Variants in NHSL2 observed in about 807,000 individuals in gnomAD.
The protein encoded by NHSL2 is NHS-like protein 2.
NHSL2 carries 27 observed loss-of-function variants against 53.4 expected under a neutral mutation model. That is an observed-to-expected ratio of 0.51 (90% CI 0.37 to 0.70). The LOEUF (loss-of-function observed/expected upper bound fraction) is 0.70. Ranked by LOEUF, NHSL2 falls within the 30% of genes least tolerant of loss-of-function variation. NHSL2 has a pLI of 0.00. For synonymous variants in NHSL2, 408 were observed against 404.1 expected, an observed-to-expected ratio of 1.01 and a Z score of -0.12; for missense variants, 892 against 980.1, an observed-to-expected ratio of 0.91 and a Z score of 1.20.
intron 1 of NHSL2, among the ~76,000 whole-genome samples, chrX:72,023,865 G>A (rs1254248232): frequency 8.9e-6 from 1 of 112,156 alleles, no homozygotes; most frequent in Non-Finnish European, 1.9e-5. Flanking sequence ...GAGTGGGAGA[G>A]GGCCTGAGCC....
intron 1 of NHSL2, among the ~76,000 whole-genome samples, chrX:71,964,013 A>G (rs55766369): frequency 0.33 from 1,935 of 5,938 alleles, 320 homozygotes; most frequent in Non-Finnish European, 0.46. Flanking sequence ...ATATATATGT[A>G]TATATATATA....
At chrX:71,980,557 TGGG>T (rs1423949552) in intron 1 of NHSL2, among the ~76,000 whole-genome samples, 198 of 2,803 alleles carry the variant, frequency 0.071, 1 homozygote, top group African/African-American at 0.12. Context: ...TGTGTGTGTG[TGGG>T]GTGTGTGGGG....
In NHSL2 at chrX:72,151,994, T is replaced by C. The variant is rs1469608232; in HGVS notation, c.*8420T>C. The C allele has an allele frequency of 8.9e-6, 1 of 112,989 alleles. No individual in the cohort carries two copies. The highest frequency in any genetic ancestry group is 1.9e-5 in the Non-Finnish European group (1 of 53,397). The allele number at this position is 112,989 out of a possible 1,213,427, so 9.3% of individuals were successfully genotyped here. ...GAAAACCAATGAGGTGCAGAAGATA[T>C]TCTGTGCCCACAGTTTTTCCCTGCC... On this transcript the variant is annotated 3_prime_UTR_variant, in exon 8 of 8. Transcript: ENST00000633930.
At chrX:72,003,998 A>C (rs1252841074) in intron 1 of NHSL2, among the ~76,000 whole-genome samples, 1 of 111,900 alleles carries the variant, frequency 8.9e-6, no homozygotes, top group Non-Finnish European at 1.9e-5. Flanking sequence ...CATTATTATC[A>C]GGGGCAGGAC....
intron 1 of NHSL2, among the ~76,000 whole-genome samples, chrX:71,980,305 A>ATT (rs753122065): frequency 2.6e-4 from 29 of 111,692 alleles, no homozygotes; most frequent in Non-Finnish European, 4.9e-4. Flanking sequence ...GAAGAAAGTC[A>ATT]TTGGTAGCTT....
At chrX:71,975,022 C>A (rs1602288761) in intron 1 of NHSL2, among the ~76,000 whole-genome samples, 2 of 112,284 alleles carry the variant, frequency 1.8e-5, no homozygotes, top group Admixed American at 1.9e-4. Flanking sequence ...CCCCCTTGTT[C>A]AGCCTGTTTG....
chrX:72,063,398 A>G (rs1470799696), intron 1 of NHSL2, among the ~76,000 whole-genome samples: 1 of 111,912 alleles, frequency 8.9e-6, no homozygotes, highest in African/African-American at 3.3e-5. Flanking sequence ...TGTATGGGCA[A>G]TTAACATACA....
At chrX:72,011,029 G>A (rs2042113376) in intron 1 of NHSL2, among the ~76,000 whole-genome samples, 1 of 112,346 alleles carries the variant, frequency 8.9e-6, no homozygotes, top group South Asian at 3.7e-4. Context: ...GAATCACACA[G>A]TATGCAAACT....
intron 1 of NHSL2, among the ~76,000 whole-genome samples, chrX:72,004,716 C>T (rs897876608): frequency 2.2e-3 from 236 of 106,555 alleles, no homozygotes; most frequent in Non-Finnish European, 3.3e-3. Context: ...TCTGCTAGGA[C>T]CTGTCCGCTC....
rs760149925 is a variant in NHSL2 at position 72,138,555 on chromosome X, G to A, written c.1007G>A (p.Arg336Gln). The A allele has an allele frequency of 3.0e-5, 35 of 1,165,510 alleles. No homozygotes were observed. The highest frequency in any genetic ancestry group is 7.6e-5 in the South Asian group (4 of 52,516). Residue 336 changes from arginine to glutamine, a missense_variant, in exon 6 of 8, where the codon CGG becomes CAG. By Grantham distance (43) the Arg-to-Gln change is conservative. Transcript: ENST00000633930. ...HGRVAVGQDA[R>Q]FPSLTSPVLR... ...AGAGTTGCAGTTGGTCAGGATGCTC[G>A]GTTCCCAAGTCTCACCTCGCCAGTA...
chrX:72,061,114 T>C lies in NHSL2; in HGVS notation c.281-70965T>C, dbSNP rs754327738. Among the ~76,000 whole-genome samples the C allele has an allele frequency of 1.1e-3, 122 of 112,804 alleles. 1 individual carries two copies. The highest frequency in any genetic ancestry group is 3.7e-3 in the African/African-American group (116 of 31,080). On this transcript the variant is annotated intron_variant, in intron 1 of 7. Coordinates refer to ENST00000633930, the MANE Select transcript of NHSL2 (RefSeq NM_001013627.3). ...AGAGCTCTGGTGAACTCGGTGTGTT[T>C]ATGAAAATGGAAGGAATGGACTGTT...
intron 1 of NHSL2, among the ~76,000 whole-genome samples, chrX:72,040,117 G>A (rs2042265566): frequency 8.9e-6 from 1 of 112,107 alleles, no homozygotes; most frequent in Non-Finnish European, 1.9e-5. Flanking sequence ...CTTTGATCGA[G>A]GAATTGAGTT....
At chrX:71,952,760 C>G (rs769776947) in intron 1 of NHSL2, among the ~76,000 whole-genome samples, 1 of 110,986 alleles carries the variant, frequency 9.0e-6, no homozygotes, top group Non-Finnish European at 1.9e-5. Context: ...TTCAGTTTCA[C>G]CTTCCTGTTG....
At chrX:71,989,860 C>G (rs2042019662) in intron 1 of NHSL2, among the ~76,000 whole-genome samples, 1 of 112,496 alleles carries the variant, frequency 8.9e-6, no homozygotes, top group Non-Finnish European at 1.9e-5. Flanking sequence ...GCAGGCTTCT[C>G]TCTACCTCGT....
intron 1 of NHSL2, among the ~76,000 whole-genome samples, chrX:71,971,566 A>G: frequency 9.0e-6 from 1 of 111,537 alleles, no homozygotes; most frequent in Non-Finnish European, 1.9e-5. Flanking sequence ...GTTCCCAACA[A>G]CCTCCTTTAC....
chrX:71,962,386 A>G (rs1282188976), intron 1 of NHSL2, among the ~76,000 whole-genome samples: 1 of 111,695 alleles, frequency 9.0e-6, no homozygotes, highest in Non-Finnish European at 1.9e-5. Context: ...AAGAATTGGT[A>G]TCAATTATTC....
intron 1 of NHSL2, among the ~76,000 whole-genome samples, chrX:71,935,431 C>T (rs1404712579): frequency 1.8e-5 from 2 of 112,827 alleles, no homozygotes; most frequent in Non-Finnish European, 3.7e-5. Context: ...TGCACCATCC[C>T]AAGTGGCAAT....
intron 1 of NHSL2, among the ~76,000 whole-genome samples, chrX:72,116,905 T>G (rs1315950093): frequency 8.9e-6 from 1 of 111,793 alleles, no homozygotes; most frequent in Non-Finnish European, 1.9e-5. Flanking sequence ...TCTGACTATT[T>G]TTTGAGAGTG....
chrX:71,996,847 G>A (rs2042052131), intron 1 of NHSL2, among the ~76,000 whole-genome samples: 1 of 111,778 alleles, frequency 8.9e-6, no homozygotes, highest in Admixed American at 9.5e-5. Context: ...CCTAAGTGGT[G>A]GAAAACAGGC....
Sources: allele counts gnomAD v4.1 joint callset (sites outside exome capture counted in the v4.1 genomes callset), GRCh38; gene constraint gnomAD v4.1.1; transcripts MANE v1.5; gene names NCBI Gene and HGNC (gene_info 2026-07-23, HGNC 2026-07-21).